Variants in RPL23 observed in about 807,000 individuals in gnomAD.
RPL23 encodes large ribosomal subunit protein uL14.
For synonymous variants in RPL23, 63 were observed against 65.3 expected (o/e 0.97, Z 0.17); for missense variants, 79 against 178.8 (o/e 0.44, Z 3.18).
In RPL23 at chr17:38,850,226, A is replaced by G; in HGVS notation, c.341-12T>C. The G allele has an allele frequency of 6.4e-7, 1 of 1,551,598 alleles. No homozygotes were observed. Among genetic ancestry groups the G allele is most frequent in the Non-Finnish European group, 8.7e-7 (1 of 1,144,584 alleles). On this transcript the variant is annotated splice_polypyrimidine_tract_variant and intron_variant, in intron 4 of 4. Coordinates refer to ENST00000479035, the MANE Select transcript of RPL23 (RefSeq NM_000978.4). Reference sequence around the variant, plus strand: ...TGTAATGGCAGAACCTGCATTAAAAAAATAAAATAAAATAAAATAAAAACA... The same window carrying G: ...TGTAATGGCAGAACCTGCATTAAAAGAATAAAATAAAATAAAATAAAAACA...
At chr17:38,853,668 G>A (rs778042151) in intron 1 of RPL23, 30 bp downstream of exon 1, 5 of 1,614,044 alleles carry the variant, frequency 3.1e-6, no homozygotes, top group Non-Finnish European at 4.2e-6. Flanking sequence ...ACGACAGATG[G>A]TGGAGGATCC....
In RPL23 at chr17:38,848,258, C is replaced by T; in HGVS notation, c.*1874G>A. The stretch of plus-strand genomic sequence containing the variant: ...AGATTTAATACATTTTTTTTCTTTC[C>T]CCCCAGAGTTTCACTGGTTGCCCAG... On this transcript the variant is annotated 3_prime_UTR_variant, in exon 5 of 5. Coordinates refer to ENST00000479035, the MANE Select transcript of RPL23 (RefSeq NM_000978.4). 3 of 568,016 alleles carry T rather than the reference C, an allele frequency of 5.3e-6. No homozygotes were observed. The highest frequency in any genetic ancestry group is 7.7e-6 in the Non-Finnish European group (3 of 391,148). 35.2% of individuals were successfully genotyped at this position (568,016 alleles called of 1,614,324 possible).
At position 38,848,316 on chromosome 17, in the gene RPL23, G is replaced by A; in HGVS notation, c.*1816C>T. 2 of 263,962 alleles carry A rather than the reference G, an allele frequency of 7.6e-6. No homozygotes were observed. Among genetic ancestry groups the A allele is most frequent in the Non-Finnish European group, 1.4e-5 (2 of 141,986 alleles). The allele number at this position is 263,962 out of a possible 1,614,324, so 16.4% of individuals were successfully genotyped here. On this transcript the variant is annotated 3_prime_UTR_variant, in exon 5 of 5. Transcript: ENST00000479035. ...CACAATCGTGCGACCTCAGCTCACT[G>A]CAACCTCCATCTCCGGGGTTCAAGC...
Position 38,853,068 on chromosome 17 carries a change from G to A in RPL23, c.51C>T (p.Ser17=), listed in dbSNP as rs769121390. ...GGSSGAKFRI[S]LGLPVGAVIN... The stretch of plus-strand genomic sequence containing the variant: ...TTACAGCTCCTACCGGAAGACCCAA[G>A]GAAATCCGGAATTTCGCACCAGAGG... The change falls in exon 2 of 5, where the codon TCC becomes TCT. Residue 17 remains serine (S), a synonymous_variant. Transcript: ENST00000479035. 9.3e-6 allele frequency: 15 copies of A among 1,614,012 alleles called. No individual in the cohort carries two copies. The highest frequency in any genetic ancestry group is 2.7e-5 in the African/African-American group (2 of 74,898).
At chr17:38,852,982 C>T in intron 2 of RPL23, 40 bp downstream of exon 2, 2 of 1,580,494 alleles carry the variant, frequency 1.3e-6, no homozygotes, top group Non-Finnish European at 1.7e-6. Context: ...CCATTGAGTG[C>T]TTTTAAAAGG....
At chr17:38,852,961 T>C (rs770356733) in intron 2 of RPL23, 61 bp downstream of exon 2, 4 of 1,500,540 alleles carry the variant, frequency 2.7e-6, no homozygotes, top group Non-Finnish European at 3.7e-6. Context: ...AATAGGTCAT[T>C]AGCCACAGGC....
Position 38,849,438 on chromosome 17 carries a change from C to T in RPL23, c.*694G>A, listed in dbSNP as rs1218150487. 2 of 152,144 alleles carry T rather than the reference C, an allele frequency of 1.3e-5. No homozygotes were observed. Among genetic ancestry groups the T allele is most frequent in the Non-Finnish European group, 2.9e-5 (2 of 68,040 alleles). The allele number at this position is 152,144 out of a possible 1,614,324, so 9.4% of individuals were successfully genotyped here. ...CAATCTCGACTCGCTGCAAACTCCA[C>T]CTCCCAGGTTCAAGCGATTCTCTCA... On this transcript the variant is annotated 3_prime_UTR_variant, in exon 5 of 5. Transcript: ENST00000479035.
chr17:38,853,214 CTG>C lies in RPL23; in HGVS notation c.14-111_14-110del, dbSNP rs940977796. 4.2e-5 allele frequency: 35 copies of C among 837,518 alleles called. No homozygotes were observed. The African/African-American group carries it at 5.7e-4, about 14-fold the overall frequency. The allele number at this position is 837,518 out of a possible 1,614,324, so 51.9% of individuals were successfully genotyped here. A position where few individuals can be genotyped will look rare whatever the true frequency, so the allele number is the denominator to read the frequency against. ...AATTCACCGCACATGCTTTGATAGA[CTG>C]TACGCTATAGATTAGCTCGCTCGGA... On this transcript the variant is annotated intron_variant, in intron 1 of 4. Coordinates refer to ENST00000479035, the MANE Select transcript of RPL23 (RefSeq NM_000978.4).
At chr17:38,852,892 A>C (rs1244413266) in intron 2 of RPL23, 130 bp downstream of exon 2, 13 of 1,357,988 alleles carry the variant, frequency 9.6e-6, no homozygotes, top group African/African-American at 1.4e-5. Flanking sequence ...GAAGCAAACA[A>C]CACATGTTGC....
In RPL23 at chr17:38,847,927, G is replaced by A; in HGVS notation, c.*2205C>T. ...TCTCCAAAGAATAAAATGTGAGGTG[G>A]GATGCAGTGGCTCACACTTGTAATT... is the stretch of plus-strand genomic sequence containing the variant. On this transcript the variant is annotated 3_prime_UTR_variant, in exon 5 of 5. Transcript: ENST00000479035. 1 of 1,526,688 alleles carries A rather than the reference G, an allele frequency of 6.6e-7. No individual in the cohort carries two copies. The highest frequency in any genetic ancestry group is 8.8e-7 in the Non-Finnish European group (1 of 1,138,572). The allele number at this position is 1,526,688 out of a possible 1,614,324, so 94.6% of individuals were successfully genotyped here. A position where few individuals can be genotyped will look rare whatever the true frequency, so the allele number is the denominator to read the frequency against.
At chr17:38,852,267 A>T (rs1027758032) in intron 3 of RPL23, 7 of 211,872 alleles carry the variant, frequency 3.3e-5, no homozygotes, top group Admixed American at 2.7e-4. Context: ...TTCGTTTTGT[A>T]ATATATTTTT....
chr17:38,850,544 C>T, intron 3 of RPL23, 69 bp from the exon 4 acceptor site: 2 of 990,530 alleles, frequency 2.0e-6, no homozygotes, highest in South Asian at 2.6e-5. Context: ...AAGCAGTTTC[C>T]AACTAGACAG....
rs1380562403 is a variant in RPL23 at position 38,848,057 on chromosome 17, A to G, written c.*2075T>C. ...ACTCCAGCCTGTGTGACAGAGCAAG[A>G]CTGCCTCAGAAAAGATAACATTCAA... On this transcript the variant is annotated 3_prime_UTR_variant, in exon 5 of 5. Transcript: ENST00000479035. 1.9e-6 allele frequency: 3 copies of G among 1,539,524 alleles called. No homozygotes were observed.
rs1567685572 is a variant in RPL23, at chr17:38,847,927, G to T, written c.*2205C>A. 10 of 1,526,688 alleles carry T rather than the reference G, an allele frequency of 6.6e-6. No homozygotes were observed. Among genetic ancestry groups the T allele is most frequent in the Non-Finnish European group, 8.8e-6 (10 of 1,138,572 alleles). 94.6% of individuals were successfully genotyped at this position (1,526,688 alleles called of 1,614,324 possible). Reference sequence around the variant, plus strand: ...TCTCCAAAGAATAAAATGTGAGGTGGGATGCAGTGGCTCACACTTGTAATT... The same window carrying T: ...TCTCCAAAGAATAAAATGTGAGGTGTGATGCAGTGGCTCACACTTGTAATT... On this transcript the variant is annotated 3_prime_UTR_variant, in exon 5 of 5. Coordinates refer to ENST00000479035, the MANE Select transcript of RPL23 (RefSeq NM_000978.4).
intron 3 of RPL23, 119 bp downstream of exon 3, chr17:38,852,485 C>G: frequency 7.8e-7 from 1 of 1,284,768 alleles, no homozygotes; most frequent in Non-Finnish European, 1.1e-6. Flanking sequence ...AGATACTTAT[C>G]TCACACTGCC....
intron 2 of RPL23, 57 bp from the exon 3 acceptor site, chr17:38,852,789 C>A: frequency 6.2e-7 from 1 of 1,612,168 alleles, no homozygotes; most frequent in Non-Finnish European, 8.5e-7. Context: ...GCCGTTCCAT[C>A]AGTATAACAT....
Position 38,853,721 on chromosome 17 carries a change from G to A in RPL23, c.-11C>T, listed in dbSNP as rs200078722. 8.1e-6 allele frequency: 13 copies of A among 1,613,496 alleles called. No individual in the cohort carries two copies. The highest frequency in any genetic ancestry group is 1.7e-5 in the Admixed American group (1 of 59,898). On this transcript the variant is annotated 5_prime_UTR_variant, in exon 1 of 5. Coordinates refer to ENST00000479035, the MANE Select transcript of RPL23 (RefSeq NM_000978.4). ...ACCTCGCTTCGACATCTTGAACGCC[G>A]GAAAAAAGAAAAAAGGAAGTCGATT... is the stretch of plus-strand genomic sequence containing the variant.
intron 2 of RPL23, 132 bp from the exon 3 acceptor site, chr17:38,852,864 C>T (rs921609918): frequency 1.1e-5 from 16 of 1,406,124 alleles, no homozygotes; most frequent in Non-Finnish European, 1.5e-5. Flanking sequence ...GCAAGAACGC[C>T]TTGTCACACC....
rs774003568 is a variant in RPL23, at chr17:38,852,717, T to C, written c.113A>G (p.Tyr38Cys). 5.6e-6 allele frequency: 9 copies of C among 1,614,064 alleles called. No individual in the cohort carries two copies. Among genetic ancestry groups the C allele is most frequent in the Non-Finnish European group, 5.1e-6 (6 of 1,180,048 alleles). Residue 38 changes from tyrosine (Y) to cysteine (C), a missense_variant, in exon 3 of 5, where the codon TAT becomes TGT. Tyr to Cys is a radical substitution (Grantham distance 194, BLOSUM62 -2). Transcript: ENST00000479035. Reference protein sequence around the residue: ...CADNTGAKNLYIISVKGIKGR... With the variant: ...CADNTGAKNLCIISVKGIKGR... Reference sequence around the variant, plus strand: ...CTTGATCCCCTTCACGGAGATGATATACAGGTTTTTGGCTCCTACAAAAGA... The same window carrying C: ...CTTGATCCCCTTCACGGAGATGATACACAGGTTTTTGGCTCCTACAAAAGA...
Sources: gnomAD v4.1 joint callset for allele counts on GRCh38, gnomAD v4.1.1 for gene constraint, MANE v1.5 for transcripts, NCBI Gene and HGNC (gene_info 2026-07-23, HGNC 2026-07-21) for gene names.